EXOC4: variants seen among roughly 807,000 people sequenced by gnomAD.
The protein encoded by EXOC4 is SEC8-like 1.
Under a neutral mutation model 107.2 loss-of-function variants are expected in EXOC4, and 71 were observed. The ratio of observed to expected loss-of-function variants is 0.66; its 90% CI spans 0.55 to 0.81. EXOC4 has a LOEUF of 0.81. Ranked by LOEUF, EXOC4 falls within the 30% of genes least tolerant of loss-of-function variation. The probability of loss-of-function intolerance (pLI) is 0.00; values close to 1 mark genes in which losing one functional copy is unlikely to be tolerated. For missense variants in EXOC4, 1,108 were observed against 1,189.6 expected (o/e 0.93, Z 1.01); for synonymous variants, 456 against 441.2 (o/e 1.03, Z -0.42).
intron 3 of EXOC4, among the ~76,000 whole-genome samples, chr7:133,297,853 C>A (rs988316267): frequency 1.3e-5 from 2 of 152,198 alleles, no homozygotes; most frequent in Non-Finnish European, 2.9e-5. Context: ...TGTGTTTGCA[C>A]ACTTGAGTGT....
intron 4 of EXOC4, among the ~76,000 whole-genome samples, chr7:133,307,823 G>A (rs1452086520): frequency 6.6e-6 from 1 of 152,210 alleles, no homozygotes; most frequent in Non-Finnish European, 1.5e-5. Flanking sequence ...AAGGGTAAGA[G>A]ACACATGGAA....
intron 10 of EXOC4, among the ~76,000 whole-genome samples, chr7:133,668,399 A>G (rs952998396): frequency 1.3e-5 from 2 of 152,174 alleles, no homozygotes; most frequent in African/African-American, 2.4e-5. Flanking sequence ...GTAACAATAT[A>G]GTTTTTTTCT....
In EXOC4 at chr7:133,861,743, A is replaced by T. The variant is rs574833444; in HGVS notation, c.1735-33856A>T. ...GAGATGGGGTTTCACCATGCTGGCC[A>T]GGCTGGTCTCGAACTCCTGAACTCA... On this transcript the variant is annotated intron_variant, in intron 11 of 17. Coordinates refer to ENST00000253861, the MANE Select transcript of EXOC4 (RefSeq NM_021807.4). 3.9e-4 allele frequency among the ~76,000 whole-genome samples: 59 copies of T among 152,272 alleles called. No individual in the cohort carries two copies. The South Asian group carries it at 0.011, about 28-fold the overall frequency.
At chr7:133,340,375 G>A (rs1212559479) in intron 5 of EXOC4, among the ~76,000 whole-genome samples, 1 of 149,942 alleles carries the variant, frequency 6.7e-6, no homozygotes, top group African/African-American at 2.4e-5. Flanking sequence ...TGATCACGCT[G>A]GATTATCTTT....
At chr7:133,640,062 CAT>C (rs1222214808) in intron 10 of EXOC4, among the ~76,000 whole-genome samples, 1 of 152,184 alleles carries the variant, frequency 6.6e-6, no homozygotes, top group South Asian at 2.1e-4. Context: ...AATCTGTACA[CAT>C]ATTTTTAAAT....
intron 10 of EXOC4, among the ~76,000 whole-genome samples, chr7:133,801,825 G>C (rs746821797): frequency 6.6e-6 from 1 of 152,158 alleles, no homozygotes; most frequent in Non-Finnish European, 1.5e-5. Context: ...ATCCTTTCCT[G>C]TATAAATTAA....
intron 9 of EXOC4, among the ~76,000 whole-genome samples, chr7:133,502,211 G>A (rs1429720330): frequency 6.8e-6 from 1 of 147,892 alleles, no homozygotes; most frequent in Non-Finnish European, 1.5e-5. Context: ...TTCTGAGATT[G>A]CTATTAAGAC....
At chr7:133,738,220 A>G (rs1028609270) in intron 10 of EXOC4, among the ~76,000 whole-genome samples, 2 of 151,946 alleles carry the variant, frequency 1.3e-5, no homozygotes, top group Non-Finnish European at 2.9e-5. Context: ...GCCCTGCTTG[A>G]TTATTAAATC....
chr7:133,307,168 G>T (rs1377189380), intron 4 of EXOC4, among the ~76,000 whole-genome samples: 5 of 152,128 alleles, frequency 3.3e-5, no homozygotes, highest in African/African-American at 7.2e-5. Context: ...AACAAAAAAC[G>T]CCAAATTTGC....
At chr7:133,269,455 T>C (rs531384030) in intron 1 of EXOC4, among the ~76,000 whole-genome samples, 1 of 152,360 alleles carries the variant, frequency 6.6e-6, no homozygotes, top group East Asian at 1.9e-4. Flanking sequence ...TTTATTATAC[T>C]AGACTGCTTT....
chr7:133,288,733 G>A (rs560418649), intron 2 of EXOC4, among the ~76,000 whole-genome samples, 189 bp from the exon 3 acceptor site: 1 of 152,266 alleles, frequency 6.6e-6, no homozygotes, highest in East Asian at 1.9e-4. Context: ...AGAGAGAGGT[G>A]GAGATGTGCC....
chr7:133,521,703 TC>T (rs1376120575), intron 9 of EXOC4, among the ~76,000 whole-genome samples: 1 of 151,672 alleles, frequency 6.6e-6, no homozygotes, highest in African/African-American at 2.4e-5. Flanking sequence ...CACTGCAACC[TC>T]TGCCTCCTGG....
At chr7:133,825,968 CATT>C (rs1052883510) in intron 11 of EXOC4, among the ~76,000 whole-genome samples, 1 of 152,126 alleles carries the variant, frequency 6.6e-6, no homozygotes, top group African/African-American at 2.4e-5. Context: ...CCTAAAGAAA[CATT>C]AACTTATCAC....
chr7:133,468,788 G>A (rs1036116340), intron 7 of EXOC4, among the ~76,000 whole-genome samples: 1 of 151,928 alleles, frequency 6.6e-6, no homozygotes, highest in Non-Finnish European at 1.5e-5. Context: ...TCCCCTCTAG[G>A]GTCTTCAAAT....
intron 17 of EXOC4, among the ~76,000 whole-genome samples, chr7:134,060,911 A>G (rs1796042660): frequency 6.6e-6 from 1 of 152,204 alleles, no homozygotes; most frequent in African/African-American, 2.4e-5. Flanking sequence ...ATTTTGTTGA[A>G]TAACTCAGCT....
intron 10 of EXOC4, among the ~76,000 whole-genome samples, chr7:133,662,634 C>A (rs1307867437): frequency 6.7e-6 from 1 of 149,674 alleles, no homozygotes; most frequent in East Asian, 1.9e-4. Context: ...ACAACAACAA[C>A]AAAATAGCGC....
intron 13 of EXOC4, among the ~76,000 whole-genome samples, chr7:133,925,218 CTAAA>C (rs150837832): frequency 0.015 from 2,344 of 152,274 alleles, 59 homozygotes; most frequent in African/African-American, 0.053. Flanking sequence ...CCCTTCATTA[CTAAA>C]TGAGGCTCTT....
At chr7:133,952,093 T>C (rs1585273180) in intron 14 of EXOC4, among the ~76,000 whole-genome samples, 1 of 151,546 alleles carries the variant, frequency 6.6e-6, no homozygotes, top group African/African-American at 2.4e-5. Context: ...GAGGTGGAGG[T>C]TGCAGTGAGC....
chr7:133,419,795 G>A (rs1424587), intron 7 of EXOC4, among the ~76,000 whole-genome samples: 2 of 151,696 alleles, frequency 1.3e-5, no homozygotes, highest in African/African-American at 4.8e-5. Context: ...TACCACAAAC[G>A]TAATGATTTA....
Sources: gnomAD v4.1 joint callset for allele counts (sites outside exome capture counted in the v4.1 genomes callset) on GRCh38, gnomAD v4.1.1 for gene constraint, MANE v1.5 for transcripts, NCBI Gene and HGNC (gene_info 2026-07-23, HGNC 2026-07-21) for gene names.